SYT17: variants seen among roughly 807,000 people sequenced by gnomAD.
SYT17 encodes the protein synaptotagmin 17, also known as synaptotagmin-17.
Under a neutral mutation model 46.7 loss-of-function variants are expected in SYT17, and 22 were observed. That is an observed-to-expected ratio of 0.47 (90% CI 0.34 to 0.67). The LOEUF (loss-of-function observed/expected upper bound fraction) is 0.67, where lower values mean the gene tolerates loss of function less well. Ranked by LOEUF, SYT17 falls within the 30% of genes least tolerant of loss-of-function variation. The pLI, the probability that SYT17 is intolerant of heterozygous loss-of-function variation, is 0.01. For missense variants in SYT17, 519 were observed against 612.8 expected, an observed-to-expected ratio of 0.85 and a Z score of 1.62; for synonymous variants, 251 against 248.4, an observed-to-expected ratio of 1.01 and a Z score of -0.10.
At position 19,199,011 on chromosome 16, in the gene SYT17, T is replaced by C. The variant is rs74537131; in HGVS notation, c.951+14864T>C. On this transcript the variant is annotated intron_variant, in intron 5 of 7. Coordinates refer to ENST00000355377, the MANE Select transcript of SYT17 (RefSeq NM_016524.4). The stretch of plus-strand genomic sequence containing the variant: ...GGTGGGTGGCCCAGGTTTCTGGTGG[T>C]AAGCTCCAGAGAGAACATGAAGGGC... 2.7e-3 allele frequency among the ~76,000 whole-genome samples: 413 copies of C among 152,290 alleles called. 13 individuals are homozygous for C. The East Asian group carries it at 0.071, about 26-fold the overall frequency.
chr16:19,206,834 A>G (rs777733206), intron 5 of SYT17, among the ~76,000 whole-genome samples: 20 of 151,980 alleles, frequency 1.3e-4, no homozygotes, highest in Non-Finnish European at 2.2e-4. Flanking sequence ...CCTCATCTTG[A>G]CTCAATTACA....
intron 7 of SYT17, among the ~76,000 whole-genome samples, chr16:19,261,663 G>C (rs576034157): frequency 6.6e-6 from 1 of 152,312 alleles, no homozygotes; most frequent in East Asian, 1.9e-4. Context: ...TTCCCAGAGA[G>C]AGCCACTCTG....
At position 19,180,524 on chromosome 16, in the gene SYT17, A is replaced by G; in HGVS notation, c.316A>G (p.Thr106Ala). 1 of 1,614,106 alleles carries G rather than the reference A, an allele frequency of 6.2e-7. No individual in the cohort carries two copies. The highest frequency in any genetic ancestry group is 8.5e-7 in the Non-Finnish European group (1 of 1,180,032). ...SDTSKSTYSL[T>A]RRISSLESRR... is the part of the protein sequence containing the mutation. The stretch of plus-strand genomic sequence containing the variant: ...CACATCCAAGTCTACATACAGCCTG[A>G]CGCGGAGGATTTCGAGTAAGTATCT... The change falls in exon 4 of 8, where the codon ACG (threonine) becomes GCG (alanine). Residue 106 changes from threonine to alanine, a missense_variant. Thr to Ala is a moderately conservative substitution (Grantham distance 58). Coordinates refer to ENST00000355377, the MANE Select transcript of SYT17 (RefSeq NM_016524.4).
In SYT17 at chr16:19,183,775, G is replaced by T. The variant is rs1964656613; in HGVS notation, c.579G>T (p.Gln193His). 6.2e-7 allele frequency: 1 copy of T among 1,614,060 alleles called. No individual in the cohort carries two copies. Among genetic ancestry groups the T allele is most frequent in the African/African-American group, 1.3e-5 (1 of 74,930 alleles). Reference sequence around the variant, plus strand: ...TGGGCATGCTGCACTTCAGCACTCAGTACGACCTGCTGCACAACCACCTCA... The same window carrying T: ...TGGGCATGCTGCACTTCAGCACTCATTACGACCTGCTGCACAACCACCTCA... ...YQLGMLHFSTQYDLLHNHLTV... is the reference protein window; with the variant it reads ...YQLGMLHFSTHYDLLHNHLTV... Residue 193 changes from glutamine (Q) to histidine (H), a missense_variant, in exon 5 of 8, where the codon CAG (glutamine) becomes CAT (histidine). Gln to His is a conservative substitution (Grantham distance 24). Coordinates refer to ENST00000355377, the MANE Select transcript of SYT17 (RefSeq NM_016524.4). This position sits in a 1 kb window ranked among gnomAD's most constrained non-coding sequence, Gnocchi z 5.6.
intron 7 of SYT17, among the ~76,000 whole-genome samples, chr16:19,257,998 T>C (rs1166468116): frequency 6.6e-6 from 1 of 152,156 alleles, no homozygotes; most frequent in African/African-American, 2.4e-5. Flanking sequence ...TACACCCACA[T>C]TCTAAGTCAT....
chr16:19,254,814 T>C (rs1968445702), intron 7 of SYT17, among the ~76,000 whole-genome samples: 1 of 152,242 alleles, frequency 6.6e-6, no homozygotes, highest in African/African-American at 2.4e-5. Flanking sequence ...TTAAGTGTGC[T>C]TCCTTCTAGT....
chr16:19,224,927 A>G, intron 7 of SYT17, 89 bp downstream of exon 7: 2 of 1,467,104 alleles, frequency 1.4e-6, no homozygotes, highest in South Asian at 1.2e-5. Flanking sequence ...AGAGAGTTAC[A>G]TTTAAGAACG....
intron 6 of SYT17, 34 bp downstream of exon 6, chr16:19,223,199 T>A: frequency 6.2e-7 from 1 of 1,607,690 alleles, no homozygotes; most frequent in Non-Finnish European, 8.5e-7. Context: ...CTCACTTTAT[T>A]AATGGGGCAT....
chr16:19,229,762 C>T (rs530927653), intron 7 of SYT17, among the ~76,000 whole-genome samples: 9 of 152,338 alleles, frequency 5.9e-5, no homozygotes, highest in African/African-American at 2.2e-4. Flanking sequence ...TGTACACCTA[C>T]GTTCATAGCA....
intron 7 of SYT17, among the ~76,000 whole-genome samples, chr16:19,231,929 T>C (rs1352367115): frequency 6.6e-6 from 1 of 152,164 alleles, no homozygotes; most frequent in Non-Finnish European, 1.5e-5. Context: ...GAAGGAGAGA[T>C]GCAGGGCACA....
intron 7 of SYT17, among the ~76,000 whole-genome samples, chr16:19,238,588 C>T (rs1966882103): frequency 6.6e-6 from 1 of 152,238 alleles, no homozygotes. Flanking sequence ...AAGATCAGGC[C>T]AGCTGCCAGG....
chr16:19,186,932 C>T (rs2142622006), intron 5 of SYT17, among the ~76,000 whole-genome samples: 1 of 152,280 alleles, frequency 6.6e-6, no homozygotes, highest in East Asian at 1.9e-4. Flanking sequence ...AACTTCCAGT[C>T]TAGTGGGAAA....
rs1416928326 is a variant in SYT17, at chr16:19,183,489, T to A, written c.332-39T>A. On this transcript the variant is annotated intron_variant, in intron 4 of 7. Transcript: ENST00000355377. This position sits in a 1 kb window ranked among gnomAD's most constrained non-coding sequence, Gnocchi z 5.6. ...TGCAAAGTGGCCCAGGTCTGCCCCG[T>A]ATGTGGCTGTCTTCATTGTTATTTC... The A allele has an allele frequency of 3.1e-6, 5 of 1,609,718 alleles. No homozygotes were observed. The highest frequency in any genetic ancestry group is 4.2e-6 in the Non-Finnish European group (5 of 1,177,162).
At position 19,183,413 on chromosome 16, in the gene SYT17, A is replaced by T. The variant is rs913541013; in HGVS notation, c.332-115A>T. 1.3e-5 allele frequency: 18 copies of T among 1,407,290 alleles called. No individual in the cohort carries two copies. In the African/African-American group the frequency reaches 2.6e-4, roughly 20 times the overall value. 87.2% of individuals were successfully genotyped at this position (1,407,290 alleles called of 1,614,324 possible). A position where few individuals can be genotyped will look rare whatever the true frequency, so the allele number is the denominator to read the frequency against. On this transcript the variant is annotated intron_variant, in intron 4 of 7. Coordinates refer to ENST00000355377, the MANE Select transcript of SYT17 (RefSeq NM_016524.4). The surrounding 1 kb of genome is among the most constrained non-coding windows in gnomAD (Gnocchi z 5.6). Reference sequence around the variant, plus strand: ...TGAGTATTTCAGAGTGTGGAGAAAGATGGCAAAGGTCATTCTGAAGCAGAG... The same window carrying T: ...TGAGTATTTCAGAGTGTGGAGAAAGTTGGCAAAGGTCATTCTGAAGCAGAG...
chr16:19,255,657 C>T (rs1968508217), intron 7 of SYT17, among the ~76,000 whole-genome samples: 1 of 152,078 alleles, frequency 6.6e-6, no homozygotes, highest in African/African-American at 2.4e-5. Context: ...TGGTGAGGTG[C>T]CCCTGTAGTC....
intron 5 of SYT17, among the ~76,000 whole-genome samples, chr16:19,188,513 C>CAAAAAAAAAAAAAAAAAAAAA (rs61202540): frequency 1.5e-5 from 1 of 64,582 alleles, no homozygotes; most frequent in African/African-American, 6.6e-5. Context: ...TTCAGTTCTG[C>CAAAAAAAAAAAAAAAAAAAAA]AAAAAAAAAA....
chr16:19,243,917 A>G (rs1370212649), intron 7 of SYT17, among the ~76,000 whole-genome samples: 1 of 152,020 alleles, frequency 6.6e-6, no homozygotes, highest in Admixed American at 6.6e-5. Flanking sequence ...CTAAGACTCA[A>G]TAAGTTCCTA....
chr16:19,247,699 T>G (rs1343087081), intron 7 of SYT17, among the ~76,000 whole-genome samples: 8 of 152,248 alleles, frequency 5.3e-5, no homozygotes, highest in Non-Finnish European at 8.8e-5. Flanking sequence ...AACAACCATT[T>G]TTTATCATCC....
Position 19,264,883 on chromosome 16 carries a change from C to T in SYT17, c.1229-1997C>T, listed in dbSNP as rs558138107. On this transcript the variant is annotated intron_variant, in intron 7 of 7. Coordinates refer to ENST00000355377, the MANE Select transcript of SYT17 (RefSeq NM_016524.4). ...TGCTGGGATTACAGATGCGAGCCAC[C>T]GTGCCCAGTCAGAATTTCCTTTCTT... is the stretch of plus-strand genomic sequence containing the variant. Among the ~76,000 whole-genome samples, 31 of 152,180 alleles carry T rather than the reference C, an allele frequency of 2.0e-4. 1 individual carries two copies. In the East Asian group the frequency reaches 4.6e-3, roughly 23 times the overall value.
Sources: allele counts gnomAD v4.1 joint callset (sites outside exome capture counted in the v4.1 genomes callset), GRCh38; gene constraint gnomAD v4.1.1; non-coding constraint Gnocchi (gnomAD v3.1); transcripts MANE v1.5; gene names NCBI Gene and HGNC (gene_info 2026-07-23, HGNC 2026-07-21).